The following ROS1 variants were observed in gnomAD, a reference collection of about 807,000 sequenced individuals.
ROS1 encodes proto-oncogene tyrosine-protein kinase ROS.
In ROS1, 263 loss-of-function variants were observed where a neutral mutation model predicts 273.5. That is an observed-to-expected ratio of 0.96 (90% CI 0.87 to 1.06). ROS1 has a LOEUF of 1.06. Among genes scored for constraint, ROS1 ranks in the 50% least tolerant of loss-of-function variants. The probability of loss-of-function intolerance (pLI) is 0.00; values close to 1 mark genes in which losing one functional copy is unlikely to be tolerated. For missense variants in ROS1, 2,833 were observed against 2,751.1 expected (o/e 1.03, Z -0.67); for synonymous variants, 1,008 against 954.1 (o/e 1.06, Z -1.04).
rs1052769795 is a variant in ROS1, at chr6:117,353,130, A to G, written c.4163T>C (p.Leu1388Pro). 3.7e-6 allele frequency: 6 copies of G among 1,613,338 alleles called. No individual in the cohort carries two copies. Among genetic ancestry groups the G allele is most frequent in the Non-Finnish European group, 5.1e-6 (6 of 1,179,664 alleles). Residue 1388 changes from leucine (L) to proline (P), a missense_variant, in exon 27 of 44, where the codon CTT becomes CCT. Leu to Pro is a moderately conservative substitution (Grantham distance 98). Coordinates refer to ENST00000368507, the MANE Select transcript of ROS1 (RefSeq NM_001378902.1). The part of the protein sequence containing the change: ...TLVSLTVDGD[L>P]IYWIITAKDS... ...CTTTGCTGTGATGATCCAGTATATAAGATCTCCATCCACAGTTAAGCTAAC... is the reference window on the plus strand; with the variant it reads ...CTTTGCTGTGATGATCCAGTATATAGGATCTCCATCCACAGTTAAGCTAAC...
intron 5 of ROS1, among the ~76,000 whole-genome samples, chr6:117,406,151 TC>T (rs1306736451): frequency 6.6e-6 from 1 of 151,944 alleles, no homozygotes; most frequent in East Asian, 1.9e-4. Flanking sequence ...TCTCTCTCTC[TC>T]TCTCTCTCAT....
chr6:117,328,594 C>A (rs754625812), intron 33 of ROS1: 1 of 429,274 alleles, frequency 2.3e-6, no homozygotes, highest in Non-Finnish European at 4.5e-6. Flanking sequence ...GATCAAGTTG[C>A]CAGGACTATA....
chr6:117,412,251 C>A (rs1193772570), intron 4 of ROS1, among the ~76,000 whole-genome samples: 1 of 151,860 alleles, frequency 6.6e-6, no homozygotes, highest in Non-Finnish European at 1.5e-5. Context: ...ACAATAAGAT[C>A]AATTGGCTAT....
intron 27 of ROS1, among the ~76,000 whole-genome samples, chr6:117,345,230 C>T (rs1395783877): frequency 6.6e-6 from 1 of 152,224 alleles, no homozygotes; most frequent in Admixed American, 6.5e-5. Context: ...TCCAACCCTT[C>T]ACATAGGTAG....
chr6:117,399,258 G>A (rs577481558), intron 7 of ROS1, among the ~76,000 whole-genome samples: 13 of 152,268 alleles, frequency 8.5e-5, no homozygotes, highest in Non-Finnish European at 1.6e-4. Flanking sequence ...GTCCCTGCAC[G>A]GTATTTCTGT....
In ROS1 at chr6:117,414,372, G is replaced by T. The variant is rs907764186; in HGVS notation, c.255+147C>A. 7.8e-6 allele frequency: 5 copies of T among 637,548 alleles called. No individual in the cohort carries two copies. In the Admixed American group the frequency reaches 1.0e-4, roughly 13 times the overall value. The allele number at this position is 637,548 out of a possible 1,614,324, so 39.5% of individuals were successfully genotyped here. On this transcript the variant is annotated intron_variant, in intron 4 of 43. Coordinates refer to ENST00000368507, the MANE Select transcript of ROS1 (RefSeq NM_001378902.1). ...CCAAAATGGAATTTTACAGTCATCT[G>T]TATACTCAGAGTAATAACACTTTGA... is the stretch of plus-strand genomic sequence containing the variant.
chr6:117,362,784 A>T lies in ROS1; in HGVS notation c.3185T>A (p.Phe1062Tyr). The change falls in exon 22 of 44, where the codon TTT becomes TAT. Residue 1062 changes from phenylalanine (F) to tyrosine (Y), a missense_variant. Coordinates refer to ENST00000368507, the MANE Select transcript of ROS1 (RefSeq NM_001378902.1). ...CCNKNEVVVEFRWNKPKHENG... is the reference protein window; with the variant it reads ...CCNKNEVVVEYRWNKPKHENG... The stretch of plus-strand genomic sequence containing the variant: ...TTCATGCTTAGGTTTGTTCCACCTA[A>T]ATTCCACCACAACTTCATTCTTGTT... 1 of 1,613,782 alleles carries T rather than the reference A, an allele frequency of 6.2e-7. No homozygotes were observed. Among genetic ancestry groups the T allele is most frequent in the Non-Finnish European group, 8.5e-7 (1 of 1,179,786 alleles).
At chr6:117,408,602 T>G (rs1214901254) in intron 5 of ROS1, among the ~76,000 whole-genome samples, 2 of 152,210 alleles carry the variant, frequency 1.3e-5, no homozygotes, top group Non-Finnish European at 2.9e-5. Context: ...AGGAACACTT[T>G]TACACTGTTG....
chr6:117,389,684 T>A lies in ROS1; in HGVS notation c.1452A>T (p.Gln484His). 6.2e-7 allele frequency: 1 copy of A among 1,614,222 alleles called. No homozygotes were observed. The highest frequency in any genetic ancestry group is 8.5e-7 in the Non-Finnish European group (1 of 1,180,034). ...CATCCAGAAATGTTGACATGAAGACTTGGGCAGTGTCATTGAAGTAAATGA... is the reference window on the plus strand; with the variant it reads ...CATCCAGAAATGTTGACATGAAGACATGGGCAGTGTCATTGAAGTAAATGA... Reference protein sequence around the residue: ...KRIIYFNDTAQVFMSTFLDGS... With the variant: ...KRIIYFNDTAHVFMSTFLDGS... The change falls in exon 13 of 44, where the codon CAA becomes CAT. Residue 484 changes from glutamine (Q) to histidine (H), a missense_variant. Gln to His is a conservative substitution (Grantham distance 24, BLOSUM62 0). Transcript: ENST00000368507.
At position 117,403,167 on chromosome 6, in the gene ROS1, A is replaced by G. The variant is rs532048142; in HGVS notation, c.576T>C (p.Ser192=). The change falls in exon 7 of 44, where the codon AGT becomes AGC. Residue 192 remains serine, a synonymous_variant. Transcript: ENST00000368507. ...CATGAGGATGAGTCCTGTAACTGGGACTTGGAGGGGAGTAGAGCTGCAGCT... is the reference window on the plus strand; with the variant it reads ...CATGAGGATGAGTCCTGTAACTGGGGCTTGGAGGGGAGTAGAGCTGCAGCT... ...TAQLQLYSPP[S]PSYRTHPHGV... The G allele has an allele frequency of 1.1e-4, 183 of 1,613,712 alleles. 3 individuals are homozygous for G. In the South Asian group the frequency reaches 1.9e-3, roughly 16 times the overall value.
chr6:117,291,277 C>T (rs1773821521), intron 43 of ROS1, among the ~76,000 whole-genome samples: 1 of 152,144 alleles, frequency 6.6e-6, no homozygotes, highest in Admixed American at 6.5e-5. Context: ...ATGATATTCC[C>T]TGTTAAATTC....
In ROS1 at chr6:117,385,764, G is replaced by C. The variant is rs754731646; in HGVS notation, c.2208C>G (p.His736Gln). Residue 736 changes from histidine to glutamine, a missense_variant, in exon 16 of 44, where the codon CAC (histidine) becomes CAG (glutamine). Transcript: ENST00000368507. ...CCCCTGCTCCTGCAATGCTGGGTAG[G>C]TGATAATTCTCTGAGATATCCGTCC... is the stretch of plus-strand genomic sequence containing the variant. ...LNGTDISENY[H>Q]LPSIAGAGAL... 1 of 1,614,046 alleles carries C rather than the reference G, an allele frequency of 6.2e-7. No homozygotes were observed. Among genetic ancestry groups the C allele is most frequent in the Non-Finnish European group, 8.5e-7 (1 of 1,180,036 alleles).
At chr6:117,352,043 A>G (rs1288398085) in intron 27 of ROS1, among the ~76,000 whole-genome samples, 4 of 152,088 alleles carry the variant, frequency 2.6e-5, no homozygotes, top group African/African-American at 9.7e-5. Context: ...TTAGTGGCAA[A>G]GACGGCTTTG....
intron 43 of ROS1, among the ~76,000 whole-genome samples, chr6:117,295,203 T>C (rs770400134): frequency 1.2e-4 from 18 of 152,220 alleles, no homozygotes; most frequent in Non-Finnish European, 2.4e-4. Context: ...AGTGAATTCA[T>C]GTTTTACAAA....
chr6:117,289,524 A>T (rs1773674527), intron 43 of ROS1, among the ~76,000 whole-genome samples: 1 of 152,204 alleles, frequency 6.6e-6, no homozygotes, highest in Admixed American at 6.5e-5. Context: ...ATTAAGTTTA[A>T]CACCTGAACT....
chr6:117,364,004 C>T (rs1473785807), intron 21 of ROS1, among the ~76,000 whole-genome samples: 1 of 152,144 alleles, frequency 6.6e-6, no homozygotes. Flanking sequence ...CAAATCTTGT[C>T]ATCCTTTCTT....
chr6:117,324,822 T>A (rs1382152891), intron 34 of ROS1, among the ~76,000 whole-genome samples: 1 of 152,136 alleles, frequency 6.6e-6, no homozygotes, highest in Admixed American at 6.6e-5. Flanking sequence ...ATAAACATGG[T>A]AATTTCTCTT....
chr6:117,315,367 C>T (rs948162100), intron 39 of ROS1, among the ~76,000 whole-genome samples: 2 of 151,824 alleles, frequency 1.3e-5, no homozygotes, highest in Non-Finnish European at 2.9e-5. Flanking sequence ...GAAAAAAAAT[C>T]CTGGAACTGA....
At position 117,304,410 on chromosome 6, in the gene ROS1, C is replaced by T. The variant is rs188373849; in HGVS notation, c.6552-3273G>A. Among the ~76,000 whole-genome samples, 83 of 152,254 alleles carry T rather than the reference C, an allele frequency of 5.5e-4. 1 individual carries two copies. Among genetic ancestry groups the T allele is most frequent in the Non-Finnish European group, 8.8e-4 (60 of 68,008 alleles). ...ATAAAGCTGTGATTCAAAAATATTG[C>T]CAAGGCATAGAGAGAATCTCTCAAG... On this transcript the variant is annotated intron_variant, in intron 42 of 43. Coordinates refer to ENST00000368507, the MANE Select transcript of ROS1 (RefSeq NM_001378902.1).
Sources: allele counts gnomAD v4.1 joint callset (sites outside exome capture counted in the v4.1 genomes callset), GRCh38; gene constraint gnomAD v4.1.1; transcripts MANE v1.5; gene names NCBI Gene and HGNC (gene_info 2026-07-23, HGNC 2026-07-21).